Variants in KLC2 observed in about 807,000 individuals in gnomAD.
KLC2 encodes KLC 2.
In KLC2, 35 loss-of-function variants were observed where a neutral mutation model predicts 75.1. The observed-to-expected ratio is 0.47, with a 90% CI of 0.36 to 0.62. KLC2 has a LOEUF of 0.62. KLC2 is among the 20% of genes least tolerant of loss of function. The probability of loss-of-function intolerance (pLI) is 0.00; values close to 1 mark genes in which losing one functional copy is unlikely to be tolerated. For missense variants in KLC2, 611 were observed against 833.2 expected, an observed-to-expected ratio of 0.73 and a Z score of 3.28; for synonymous variants, 314 against 336.7, an observed-to-expected ratio of 0.93 and a Z score of 0.74.
At chr11:66,247,603 A>C in the KLC2 span, among the ~76,000 whole-genome samples, 11 of 149,484 alleles carry the variant, frequency 7.4e-5, no homozygotes, top group East Asian at 2.2e-3. Flanking sequence ...TCACCTCAGG[A>C]GGCCTTCCCT....
chr11:66,252,471 G>A (rs912768102), upstream of KLC2, among the ~76,000 whole-genome samples: 7 of 90,072 alleles, frequency 7.8e-5, no homozygotes, highest in South Asian at 1.3e-3. Context: ...CACCATGTTA[G>A]CCAGGATGGT....
intron 9 of KLC2, chr11:66,264,678 C>A: frequency 3.4e-6 from 2 of 589,344 alleles, no homozygotes; most frequent in Non-Finnish European, 6.1e-6. Context: ...TTGCATCCCC[C>A]TTCTCCACTG....
intron 1 of KLC2, 63 bp from the exon 2 acceptor site, chr11:66,258,521 C>A: frequency 8.8e-7 from 1 of 1,142,370 alleles, no homozygotes; most frequent in Non-Finnish European, 1.3e-6. Context: ...TTACCTAATC[C>A]GGGGCGGACG....
the KLC2 span, among the ~76,000 whole-genome samples, chr11:66,250,390 A>G: frequency 1.3e-5 from 2 of 152,186 alleles, no homozygotes; most frequent in Non-Finnish European, 2.9e-5. Context: ...ATGCACACAT[A>G]TCGGCTGAGA....
At position 66,267,654 on chromosome 11, in the gene KLC2, C is replaced by T; in HGVS notation, c.*698C>T. The T allele has an allele frequency of 1.9e-6, 1 of 513,230 alleles. No homozygotes were observed. The highest frequency in any genetic ancestry group is 3.5e-6 in the Non-Finnish European group (1 of 289,134). The allele number at this position is 513,230 out of a possible 1,614,324, so 31.8% of individuals were successfully genotyped here. On this transcript the variant is annotated 3_prime_UTR_variant, in exon 16 of 16. Coordinates refer to ENST00000394067, the MANE Select transcript of KLC2 (RefSeq NM_001318734.2). ...CATCCCGGCCTTATGCACTGCCCCT[C>T]CCACCCGGCCCCGCCCAGGCACGGC...
upstream of KLC2, among the ~76,000 whole-genome samples, chr11:66,252,371 C>T (rs540005774): frequency 7.9e-5 from 12 of 151,214 alleles, no homozygotes; most frequent in East Asian, 7.7e-4. Context: ...CCGCAAGCTC[C>T]GCCTCCCGGG....
At position 66,263,046 on chromosome 11, in the gene KLC2, C is replaced by A. The variant is rs1232637710; in HGVS notation, c.752+10C>A. ...TGGCACTGGTCTATCGGTGAGGACT[C>A]TCTGGGGGTGCCCAAATTCTTCTGG... On this transcript the variant is annotated intron_variant, in intron 5 of 15. Coordinates refer to ENST00000394067, the MANE Select transcript of KLC2 (RefSeq NM_001318734.2). The A allele has an allele frequency of 1.1e-5, 18 of 1,599,318 alleles. No homozygotes were observed. The highest frequency in any genetic ancestry group is 1.5e-5 in the Non-Finnish European group (17 of 1,167,530).
chr11:66,258,868 G>C (rs200194280), intron 2 of KLC2, 46 bp downstream of exon 2: 114 of 1,296,014 alleles, frequency 8.8e-5, no homozygotes, highest in Middle Eastern at 5.6e-4. Context: ...TGGAGGGATC[G>C]AGCCTTCAAG....
chr11:66,253,430 G>A (rs1855979440), upstream of KLC2, among the ~76,000 whole-genome samples: 1 of 152,254 alleles, frequency 6.6e-6, no homozygotes, highest in South Asian at 2.1e-4. Flanking sequence ...AGTAGGAGAA[G>A]TGGGAGTGAT....
upstream of KLC2, chr11:66,257,595 G>T (rs1856092751): frequency 1.3e-5 from 2 of 152,160 alleles, no homozygotes; most frequent in Admixed American, 1.3e-4. Context: ...ACTGCGCCCC[G>T]GGCGGGTCCT....
intron 5 of KLC2, 58 bp from the exon 6 acceptor site, chr11:66,263,602 C>T: frequency 8.3e-7 from 1 of 1,200,832 alleles, no homozygotes; most frequent in African/African-American, 1.5e-5. Flanking sequence ...GATTGCAGAC[C>T]ATTGGGGAGG....
At chr11:66,266,639 AGGGGAACCCAGCCTCTCCT>A in intron 15 of KLC2, 149 bp downstream of exon 15, 1 of 919,936 alleles carries the variant, frequency 1.1e-6, no homozygotes. Flanking sequence ...GGGAGACACG[AGGGGAACCCAGCCTCTCCT>A]GGGGGTGGAC....
intron 9 of KLC2, 105 bp from the exon 10 acceptor site, chr11:66,264,918 C>T (rs976605238): frequency 1.2e-5 from 13 of 1,046,066 alleles, no homozygotes; most frequent in Non-Finnish European, 1.7e-5. Flanking sequence ...ATGCATTCAA[C>T]GAAGCCCAAC....
At chr11:66,258,387 C>G in intron 1 of KLC2, 197 bp from the exon 2 acceptor site, 1 of 584,882 alleles carries the variant, frequency 1.7e-6, no homozygotes. Context: ...GGCTGCACCG[C>G]ATTGCGTCTC....
upstream of KLC2, among the ~76,000 whole-genome samples, chr11:66,253,567 C>T (rs1855980415): frequency 6.6e-6 from 1 of 152,210 alleles, no homozygotes; most frequent in Admixed American, 6.5e-5. Context: ...TGGATTTCTT[C>T]CTTTATTCTC....
At chr11:66,266,779 T>G (rs1374978562) in intron 15 of KLC2, 94 bp from the exon 16 acceptor site, 3 of 1,325,866 alleles carry the variant, frequency 2.3e-6, no homozygotes, top group South Asian at 2.4e-5. Context: ...GCTCAGGGAT[T>G]CCGGCTGCCT....
At chr11:66,265,453 C>G in intron 11 of KLC2, 2 of 666,142 alleles carry the variant, frequency 3.0e-6, no homozygotes, top group Non-Finnish European at 5.2e-6. Context: ...CCCATGAGGG[C>G]CCTGGGGCCA....
rs528976701 is a variant in KLC2, at chr11:66,260,085, G to A, written c.228+1263G>A. Among the ~76,000 whole-genome samples, 5 of 152,254 alleles carry A rather than the reference G, an allele frequency of 3.3e-5. No homozygotes were observed. The South Asian group carries it at 1.0e-3, about 32-fold the overall frequency. On this transcript the variant is annotated intron_variant, in intron 2 of 15. Coordinates refer to ENST00000394067, the MANE Select transcript of KLC2 (RefSeq NM_001318734.2). ...CCCCTGCCTGGCACGTGAACCCTGG[G>A]GAAGTTGTATCATTTTGGTTTCCTT...
At position 66,265,252 on chromosome 11, in the gene KLC2, T is replaced by C; in HGVS notation, c.1334+17T>C. ...AGTAGACAGGTGAGTGGGGCGGGGC[T>C]GGGCTGGGGAGCAGGGCACGGCAGG... On this transcript the variant is annotated intron_variant, in intron 11 of 15. Transcript: ENST00000394067. 1.3e-6 allele frequency: 1 copy of C among 753,312 alleles called. No homozygotes were observed. The highest frequency in any genetic ancestry group is 2.2e-6 in the Non-Finnish European group (1 of 446,568). 46.7% of individuals were successfully genotyped at this position (753,312 alleles called of 1,614,324 possible).
Sources: gnomAD v4.1 joint callset for allele counts (sites outside exome capture counted in the v4.1 genomes callset) on GRCh38, gnomAD v4.1.1 for gene constraint, MANE v1.5 for transcripts, NCBI Gene and HGNC (gene_info 2026-07-23, HGNC 2026-07-21) for gene names.